Variants in KCNC4 observed in about 807,000 individuals in gnomAD.
The protein encoded by KCNC4 is potassium voltage-gated channel subfamily C member 4, also known as voltage-gated potassium channel KCNC4.
A neutral mutation model predicts 42.8 loss-of-function variants in KCNC4; 23 were observed. That is an observed-to-expected ratio of 0.54 (90% confidence interval 0.39 to 0.76). The LOEUF is 0.76. KCNC4 is among the 30% of genes least tolerant of loss of function. The pLI is 0.00. For missense variants in KCNC4, 751 were observed against 898.2 expected, an observed-to-expected ratio of 0.84 and a Z score of 2.10; for synonymous variants, 422 against 393.5, an observed-to-expected ratio of 1.07 and a Z score of -0.86.
exon 4 of KCNC4, chr1:110,243,934 C>T (rs1659086864): frequency 6.6e-6 from 1 of 152,228 alleles, no homozygotes; most frequent in African/African-American, 2.4e-5. Flanking sequence ...GGCATGTGTT[C>T]CAGTCCAGCA....
At chr1:110,279,929 A>G (rs1424944796) in intron 1 of KCNC4, among the ~76,000 whole-genome samples, 1 of 149,828 alleles carries the variant, frequency 6.7e-6, no homozygotes, top group Non-Finnish European at 1.5e-5. Context: ...CTCCCCGAGT[A>G]GGCACCCGCC....
intron 1 of KCNC4, among the ~76,000 whole-genome samples, chr1:110,276,440 G>C (rs3843830): frequency 0.29 from 43,849 of 151,706 alleles, 6,722 homozygotes; most frequent in Admixed American, 0.42. Context: ...GAATTTCAGT[G>C]TCTGCAGCTT....
intron 3 of KCNC4, 143 bp from the exon 4 acceptor site, chr1:110,232,768 G>T: frequency 6.5e-7 from 1 of 1,537,386 alleles, no homozygotes; most frequent in Non-Finnish European, 8.7e-7. Context: ...CACCCTGTGG[G>T]TCAGCAGCTG....
intron 1 of KCNC4, chr1:110,282,499 T>C (rs1659844783): frequency 6.6e-6 from 1 of 152,292 alleles, no homozygotes; most frequent in South Asian, 2.1e-4. Context: ...TGTTGCTCTC[T>C]TCCAATAAGC....
chr1:110,237,942 A>G (rs1658945528), downstream of KCNC4: 1 of 152,252 alleles, frequency 6.6e-6, no homozygotes, highest in African/African-American at 2.4e-5. Flanking sequence ...CTGTGTGTGC[A>G]TACACTGGTA....
intron 1 of KCNC4, among the ~76,000 whole-genome samples, chr1:110,277,740 G>A (rs1179661268): frequency 1.3e-5 from 2 of 152,218 alleles, no homozygotes; most frequent in Non-Finnish European, 2.9e-5. Context: ...TTAAATGTAG[G>A]CTAACTCTAA....
intron 3 of KCNC4, among the ~76,000 whole-genome samples, chr1:110,230,643 C>T (rs865989913): frequency 2.6e-5 from 4 of 152,192 alleles, no homozygotes; most frequent in South Asian, 4.1e-4. Flanking sequence ...TGTCCCTGGG[C>T]GACAAGATGC....
chr1:110,269,423 T>C (rs1389096430), intron 1 of KCNC4, among the ~76,000 whole-genome samples: 1 of 152,190 alleles, frequency 6.6e-6, no homozygotes, highest in Non-Finnish European at 1.5e-5. Flanking sequence ...GAATGTTACA[T>C]AAATGAAATC....
intron 1 of KCNC4, chr1:110,272,387 A>T (rs573781028): frequency 6.6e-6 from 1 of 152,372 alleles, no homozygotes; most frequent in South Asian, 2.1e-4. Context: ...CTTCTTGAAC[A>T]AGCTGCAGAG....
chr1:110,211,766 C>T lies in KCNC4; in HGVS notation c.267C>T (p.Gly89=), dbSNP rs1418558545. ...GGVGSSGSSG[G]GGCEFFFDRH... Reference sequence around the variant, plus strand: ...TGGGTAGCAGCGGCAGCAGCGGCGGCGGGGGCTGCGAGTTCTTCTTCGACA... The same window carrying T: ...TGGGTAGCAGCGGCAGCAGCGGCGGTGGGGGCTGCGAGTTCTTCTTCGACA... The change falls in exon 1 of 4, where the codon GGC becomes GGT. Residue 89 remains glycine, a synonymous_variant. Transcript: ENST00000438661. This position sits in a 1 kb window ranked among gnomAD's most constrained non-coding sequence, Gnocchi z 6.5. 6.2e-7 allele frequency: 1 copy of T among 1,609,442 alleles called. No individual in the cohort carries two copies. The highest frequency in any genetic ancestry group is 8.5e-7 in the Non-Finnish European group (1 of 1,179,012).
At chr1:110,279,906 C>A (rs1198159333) in intron 1 of KCNC4, among the ~76,000 whole-genome samples, 2 of 146,574 alleles carry the variant, frequency 1.4e-5, no homozygotes, top group East Asian at 4.2e-4. Flanking sequence ...TCAAGCGATT[C>A]TCCTGCCTCA....
chr1:110,226,113 A>T lies in KCNC4; in HGVS notation c.1754A>T (p.Lys585Met). The change falls in exon 3 of 4, where the codon AAG becomes ATG. Residue 585 changes from lysine (K) to methionine (M), a missense_variant. This residue lies in a region of KCNC4 where 202 missense variants were observed against 181.5 expected (regional missense o/e 1.11). Transcript: ENST00000438661. ...TCCACCACTCGAGACAGAAACAAGA[A>T]GGCAGCTGCCTGCTTCCTGCTCAGC... ...RRSTTRDRNKKAAACFLLSTG... is the reference protein window; with the variant it reads ...RRSTTRDRNKMAAACFLLSTG... The T allele has an allele frequency of 6.2e-7, 1 of 1,614,150 alleles. No homozygotes were observed. The highest frequency in any genetic ancestry group is 8.5e-7 in the Non-Finnish European group (1 of 1,180,008).
exon 4 of KCNC4, chr1:110,240,488 A>C (rs1659007864): frequency 6.6e-6 from 1 of 152,348 alleles, no homozygotes; most frequent in Non-Finnish European, 1.5e-5. Context: ...TCAGTGATCA[A>C]ATGTTCATAG....
intron 1 of KCNC4, among the ~76,000 whole-genome samples, chr1:110,258,696 C>T (rs1203544121): frequency 1.3e-5 from 2 of 152,314 alleles, no homozygotes; most frequent in East Asian, 3.9e-4. Context: ...GCTGCTTTTA[C>T]GAGGAAGGCA....
intron 1 of KCNC4, among the ~76,000 whole-genome samples, chr1:110,216,829 A>G (rs1170399612): frequency 6.6e-6 from 1 of 152,056 alleles, no homozygotes; most frequent in Non-Finnish European, 1.5e-5. Flanking sequence ...CCTGGCCCCT[A>G]GCAGGGGTCC....
At chr1:110,227,029 C>T (rs944125995) in intron 3 of KCNC4, among the ~76,000 whole-genome samples, 5 of 152,176 alleles carry the variant, frequency 3.3e-5, no homozygotes, top group South Asian at 2.1e-4. Flanking sequence ...ATCACTTATT[C>T]GTCTCTCTTG....
chr1:110,240,509 AAAAC>A (rs1404226817), exon 4 of KCNC4: 1 of 152,378 alleles, frequency 6.6e-6, no homozygotes, highest in Non-Finnish European at 1.5e-5. Flanking sequence ...CAAACAAAGG[AAAAC>A]AAACACCACC....
chr1:110,217,614 C>T (rs1165931862), intron 1 of KCNC4, among the ~76,000 whole-genome samples: 1 of 152,166 alleles, frequency 6.6e-6, no homozygotes, highest in Non-Finnish European at 1.5e-5. Context: ...CTCATCCGTT[C>T]TGGGCAACCC....
exon 4 of KCNC4, chr1:110,243,472 T>C (rs1659074252): frequency 6.6e-6 from 1 of 152,390 alleles, no homozygotes; most frequent in Non-Finnish European, 1.5e-5. Context: ...CTAACCTGCT[T>C]CCCGGACCTG....
Sources: gnomAD v4.1 joint callset for allele counts (sites outside exome capture counted in the v4.1 genomes callset) on GRCh38, gnomAD v4.1.1 for gene constraint, gnomAD v4.1.1 regional missense constraint, Gnocchi (gnomAD v3.1) non-coding constraint, MANE v1.5 for transcripts, NCBI Gene and HGNC (gene_info 2026-07-23, HGNC 2026-07-21) for gene names.